The following UGT1A8 variants were observed in gnomAD, a reference collection of about 807,000 sequenced individuals.
The protein encoded by UGT1A8 is UDP-glucuronosyltransferase 1A8.
Under a neutral mutation model 45.3 loss-of-function variants are expected in UGT1A8, and 39 were observed. The observed-to-expected ratio is 0.86, with a 90% CI of 0.67 to 1.12. The LOEUF (loss-of-function observed/expected upper bound fraction) is 1.12, where lower values mean the gene tolerates loss of function less well. Ranked by LOEUF, UGT1A8 falls within the 50% of genes most tolerant of loss-of-function variation. UGT1A8 has a pLI of 0.00. For synonymous variants in UGT1A8, 275 were observed against 249.2 expected (o/e 1.10, Z -0.97); for missense variants, 719 against 664.9 (o/e 1.08, Z -0.90).
At chr2:233,695,313 G>A (rs1315730256) in intron 1 of UGT1A8, among the ~76,000 whole-genome samples, 1 of 151,566 alleles carries the variant, frequency 6.6e-6, no homozygotes, top group Non-Finnish European at 1.5e-5. Context: ...TTTAGTAGAG[G>A]CGGGGTTTCA....
chr2:233,675,884 T>G (rs2074338767), intron 1 of UGT1A8, among the ~76,000 whole-genome samples: 1 of 152,154 alleles, frequency 6.6e-6, no homozygotes, highest in African/African-American at 2.4e-5. Flanking sequence ...AGCCACAATA[T>G]CATTATCATA....
In UGT1A8 at chr2:233,618,217, G is replaced by A; in HGVS notation, c.510G>A (p.Arg170=). 5.0e-6 allele frequency: 8 copies of A among 1,613,980 alleles called. No homozygotes were observed. Among genetic ancestry groups the A allele is most frequent in the South Asian group, 1.1e-5 (1 of 91,066 alleles). The stretch of plus-strand genomic sequence containing the variant: ...CCCTCCCCTCTGTGGTCTTCGCCAG[G>A]GGAATAGCTTGCCACTATCTTGAAG... ...YFSLPSVVFA[R]GIACHYLEEG... Residue 170 remains arginine, a synonymous_variant, in exon 1 of 5, where the codon AGG becomes AGA. Coordinates refer to ENST00000373450, the MANE Select transcript of UGT1A8 (RefSeq NM_019076.5).
At chr2:233,728,976 T>C in intron 1 of UGT1A8, 1 of 1,491,464 alleles carries the variant, frequency 6.7e-7, no homozygotes, top group Non-Finnish European at 9.0e-7. Context: ...GATAGATTAA[T>C]GGTTAATAAT....
chr2:233,762,498 T>G (rs1698092271), intron 1 of UGT1A8, among the ~76,000 whole-genome samples: 1 of 152,236 alleles, frequency 6.6e-6, no homozygotes, highest in African/African-American at 2.4e-5. Flanking sequence ...TGCTATTACT[T>G]TTTAAACTAT....
chr2:233,738,062 G>A lies in UGT1A8; in HGVS notation c.856-28972G>A, dbSNP rs1045762384. ...GTGTTGAGGACAGGACATGGTGGGA[G>A]GTCCCCACCTCCTAATCTCATCATA... On this transcript the variant is annotated intron_variant, in intron 1 of 4. Coordinates refer to ENST00000373450, the MANE Select transcript of UGT1A8 (RefSeq NM_019076.5). 4.6e-5 allele frequency among the ~76,000 whole-genome samples: 7 copies of A among 152,180 alleles called. 1 individual carries two copies. The highest frequency in any genetic ancestry group is 4.2e-4 in the South Asian group (2 of 4,808).
intron 1 of UGT1A8, among the ~76,000 whole-genome samples, chr2:233,751,879 G>A (rs1331680632): frequency 6.6e-6 from 1 of 152,148 alleles, no homozygotes; most frequent in Non-Finnish European, 1.5e-5. Context: ...CCCGTCTTGG[G>A]TATGTCTTTA....
At chr2:233,638,611 A>G (rs2073367165) in intron 1 of UGT1A8, among the ~76,000 whole-genome samples, 1 of 152,206 alleles carries the variant, frequency 6.6e-6, no homozygotes, top group African/African-American at 2.4e-5. Context: ...ATTCTTGGCA[A>G]ACGCATAGTT....
At chr2:233,700,875 CCCCCA>C (rs555944194) in intron 1 of UGT1A8, among the ~76,000 whole-genome samples, 3 of 152,002 alleles carry the variant, frequency 2.0e-5, no homozygotes, top group Non-Finnish European at 4.4e-5. Context: ...CTCCCTCCTC[CCCCCA>C]CCCCACAACA....
At chr2:233,721,253 T>C (rs373881377) in intron 1 of UGT1A8, among the ~76,000 whole-genome samples, 4 of 152,188 alleles carry the variant, frequency 2.6e-5, no homozygotes, top group East Asian at 3.9e-4. Flanking sequence ...AAAATATATA[T>C]GTTCTTTAGC....
chr2:233,630,383 C>T (rs2073166331), intron 1 of UGT1A8, among the ~76,000 whole-genome samples: 1 of 152,076 alleles, frequency 6.6e-6, no homozygotes, highest in African/African-American at 2.4e-5. Context: ...TAAGGTGTTG[C>T]CTGACACACA....
intron 1 of UGT1A8, among the ~76,000 whole-genome samples, chr2:233,671,665 C>G (rs1249431769): frequency 2.0e-5 from 3 of 152,240 alleles, no homozygotes; most frequent in East Asian, 1.9e-4. Context: ...TGCTTCTAAA[C>G]TTAACATTGC....
At chr2:233,682,700 A>G in intron 1 of UGT1A8, 6 of 1,613,892 alleles carry the variant, frequency 3.7e-6, no homozygotes, top group Non-Finnish European at 5.1e-6. Context: ...GTTGTTGCGA[A>G]CTGACTTTGT....
At chr2:233,669,063 T>C (rs1229852895) in intron 1 of UGT1A8, among the ~76,000 whole-genome samples, 2 of 152,236 alleles carry the variant, frequency 1.3e-5, no homozygotes, top group Non-Finnish European at 2.9e-5. Flanking sequence ...TTTTCCCGCT[T>C]TCTTGCGAAT....
At chr2:233,636,528 T>C in intron 1 of UGT1A8, 1 of 1,612,218 alleles carries the variant, frequency 6.2e-7, no homozygotes, top group Non-Finnish European at 8.5e-7. Context: ...CTCTCATGGC[T>C]CGCGCAGGGT....
At chr2:233,702,615 A>G (rs1053015833) in intron 1 of UGT1A8, among the ~76,000 whole-genome samples, 1 of 152,126 alleles carries the variant, frequency 6.6e-6, no homozygotes, top group Non-Finnish European at 1.5e-5. Flanking sequence ...TGCCCCCCAC[A>G]TTATGAGATT....
Position 233,767,734 on chromosome 2 carries a change from ACT to A in UGT1A8, c.988-112_988-111del, listed in dbSNP as rs1191822668. On this transcript the variant is annotated intron_variant, in intron 2 of 4. Coordinates refer to ENST00000373450, the MANE Select transcript of UGT1A8 (RefSeq NM_019076.5). Reference sequence around the variant, plus strand: ...AGCCTTCACAGTTACTGATCCTCCCACTCTGTTAAAGACTGTTCCTTCAGAGG... The same window carrying A: ...AGCCTTCACAGTTACTGATCCTCCCACTGTTAAAGACTGTTCCTTCAGAGG... 4 of 1,567,824 alleles carry A rather than the reference ACT, an allele frequency of 2.6e-6. No homozygotes were observed. The Admixed American group carries it at 7.4e-5, about 29-fold the overall frequency.
At chr2:233,766,637 C>G (rs1389389579) in intron 1 of UGT1A8, among the ~76,000 whole-genome samples, 2 of 152,186 alleles carry the variant, frequency 1.3e-5, no homozygotes, top group African/African-American at 4.8e-5. Flanking sequence ...TTCCCTACTT[C>G]CATATCATTT....
At chr2:233,708,414 C>A (rs2076017476) in intron 1 of UGT1A8, 1 of 152,100 alleles carries the variant, frequency 6.6e-6, no homozygotes, top group Admixed American at 6.6e-5. Flanking sequence ...AGTTGTTTCA[C>A]CAGTGAAGAT....
chr2:233,637,514 C>A (rs1028353222), intron 1 of UGT1A8: 3 of 1,463,516 alleles, frequency 2.0e-6, no homozygotes, highest in South Asian at 3.0e-5. Context: ...TTATTTTGTG[C>A]GAATTCATGT....
Sources: allele counts gnomAD v4.1 joint callset (sites outside exome capture counted in the v4.1 genomes callset), GRCh38; gene constraint gnomAD v4.1.1; transcripts MANE v1.5; gene names NCBI Gene and HGNC (gene_info 2026-07-23, HGNC 2026-07-21).